FGF13: variants seen among roughly 807,000 people sequenced by gnomAD.
The protein encoded by FGF13 is fibroblast growth factor 13.
FGF13 carries 2 observed loss-of-function variants against 19.5 expected under a neutral mutation model. The observed-to-expected ratio is 0.10, with a 90% CI of 0.04 to 0.32. The LOEUF is 0.32. Ranked by LOEUF, FGF13 falls within the 10% of genes least tolerant of loss-of-function variation. The pLI, the probability that FGF13 is intolerant of heterozygous loss-of-function variation, is 1.00. For missense variants in FGF13, 113 were observed against 192.7 expected (o/e 0.59, Z 2.45); for synonymous variants, 72 against 76.9 (o/e 0.94, Z 0.33).
rs1569347610 is a variant in FGF13 at position 138,625,484 on chromosome X, A to AATATATATATATACATATATATATAAT, written c.*7365_*7366insATTATATATATATGTATATATATATAT. 1.1e-5 allele frequency: 1 copy of AATATATATATATACATATATATATAAT among 93,813 alleles called. No homozygotes were observed. Among genetic ancestry groups the AATATATATATATACATATATATATAAT allele is most frequent in the African/African-American group, 4.3e-5 (1 of 23,012 alleles). The allele number at this position is 93,813 out of a possible 1,213,427, so 7.7% of individuals were successfully genotyped here. A position where few individuals can be genotyped will look rare whatever the true frequency, so the allele number is the denominator to read the frequency against. ...TATATATATATACATATATATATATAATATATATATATACATATATATATA... is the reference window on the plus strand; with the variant it reads ...TATATATATATACATATATATATATAATATATATATATACATATATATATAATATATATATATATACATATATATATA... On this transcript the variant is annotated 3_prime_UTR_variant, in exon 5 of 5. Coordinates refer to ENST00000315930, the MANE Select transcript of FGF13 (RefSeq NM_004114.5).
chrX:138,834,911 T>A (rs933153285), intron 3 of FGF13, among the ~76,000 whole-genome samples: 16 of 112,046 alleles, frequency 1.4e-4, no homozygotes, highest in Admixed American at 1.4e-3. Context: ...AATTTTATTA[T>A]TTACCCCAAA....
At chrX:138,955,231 T>G (rs1357115645) in intron 1 of FGF13, among the ~76,000 whole-genome samples, 1 of 113,125 alleles carries the variant, frequency 8.8e-6, no homozygotes, top group Non-Finnish European at 1.9e-5. Flanking sequence ...GGAAAATTAG[T>G]CCATAGAGAC....
At chrX:138,886,028 G>A (rs2124187631) in intron 1 of FGF13, among the ~76,000 whole-genome samples, 1 of 111,336 alleles carries the variant, frequency 9.0e-6, no homozygotes, top group South Asian at 3.8e-4. Context: ...ATTTTCAAAT[G>A]TTCACCAAAT....
chrX:139,146,522 G>T (rs2083890594), intron 1 of FGF13, among the ~76,000 whole-genome samples: 1 of 111,963 alleles, frequency 8.9e-6, no homozygotes, highest in African/African-American at 3.3e-5. Flanking sequence ...ACTGTTGGTG[G>T]GACTGTAAAC....
At chrX:138,704,798 G>A (rs1386423088) in intron 2 of FGF13, among the ~76,000 whole-genome samples, 3 of 112,225 alleles carry the variant, frequency 2.7e-5, no homozygotes, top group African/African-American at 9.7e-5. Flanking sequence ...TGTTATGTGA[G>A]GTAAAGGAAT....
At position 138,914,357 on chromosome X, in the gene FGF13, G is replaced by C. The variant is rs145161232; in HGVS notation, c.-112-49707C>G. On this transcript the variant is annotated intron_variant, in intron 1 of 2. Coordinates refer to the FGF13 transcript ENST00000421460. ...TGAATCCTTCTCCTACCATTATTTT[G>C]CAGCTATCCCACACTGTATGTTACT... 5.7e-3 allele frequency among the ~76,000 whole-genome samples: 630 copies of C among 110,059 alleles called. 2 individuals carry two copies. The highest frequency in any genetic ancestry group is 9.9e-3 in the Non-Finnish European group (523 of 52,827).
At position 138,780,862 on chromosome X, in the gene FGF13, AT is replaced by A. The variant is rs1324010836; in HGVS notation, c.218-71935del. Reference sequence around the variant, plus strand: ...TCCACCCCAAATCAACAGAATATACATTTTTTTTCAGCACCACACCACACCT... The same window carrying A: ...TCCACCCCAAATCAACAGAATATACATTTTTTTCAGCACCACACCACACCT... On this transcript the variant is annotated intron_variant, in intron 3 of 6. Transcript: ENST00000436198. Among the ~76,000 whole-genome samples the A allele has an allele frequency of 1.0e-4, 11 of 109,886 alleles. No homozygotes were observed. The South Asian group carries it at 1.6e-3, about 16-fold the overall frequency.
At chrX:139,095,621 T>C (rs2083465743) in intron 1 of FGF13, among the ~76,000 whole-genome samples, 1 of 112,062 alleles carries the variant, frequency 8.9e-6, no homozygotes, top group African/African-American at 3.2e-5. Flanking sequence ...AGTTTTCTCA[T>C]CTTTAAAACT....
chrX:138,656,163 T>C (rs147162353), intron 3 of FGF13, among the ~76,000 whole-genome samples: 81 of 111,745 alleles, frequency 7.2e-4, no homozygotes, highest in African/African-American at 2.5e-3. Context: ...GTAATCATAG[T>C]GCACTATAGG....
chrX:138,861,798 T>G (rs774315987), intron 2 of FGF13, among the ~76,000 whole-genome samples: 1 of 110,742 alleles, frequency 9.0e-6, no homozygotes, highest in Non-Finnish European at 1.9e-5. Context: ...AGGTCATGAG[T>G]TCGAGACTAG....
In FGF13 at chrX:138,616,487, C is replaced by A. The variant is rs775441791; in HGVS notation, c.*16363G>T. 1 of 113,016 alleles carries A rather than the reference C, an allele frequency of 8.8e-6. No individual in the cohort carries two copies. The highest frequency in any genetic ancestry group is 1.9e-5 in the Non-Finnish European group (1 of 53,459). 9.3% of individuals were successfully genotyped at this position (113,016 alleles called of 1,213,427 possible). A position where few individuals can be genotyped will look rare whatever the true frequency, so the allele number is the denominator to read the frequency against. ...TCCCCTGTGGCTTTGCAGGATGCAG[C>A]CACCCTCACAGCTCTTTTCATGGGC... On this transcript the variant is annotated 3_prime_UTR_variant, in exon 5 of 5. Coordinates refer to ENST00000315930, the MANE Select transcript of FGF13 (RefSeq NM_004114.5).
intron 1 of FGF13, among the ~76,000 whole-genome samples, chrX:138,936,184 C>A (rs1184747144): frequency 8.9e-6 from 1 of 112,357 alleles, no homozygotes; most frequent in Non-Finnish European, 1.9e-5. Context: ...CTCCCACAGA[C>A]CAAAGAGCCT....
chrX:139,189,948 A>G (rs1384268066), intron 1 of FGF13, among the ~76,000 whole-genome samples: 1 of 112,262 alleles, frequency 8.9e-6, no homozygotes, highest in South Asian at 3.7e-4. Context: ...AGAAAACATG[A>G]TTGGGGTACA....
chrX:138,746,912 T>C (rs1023515749), intron 3 of FGF13, among the ~76,000 whole-genome samples: 11 of 111,852 alleles, frequency 9.8e-5, no homozygotes, highest in Middle Eastern at 4.6e-3. Flanking sequence ...AGTCCCTTAG[T>C]ATCTCCCTAG....
chrX:138,744,988 G>A (rs778223163), intron 3 of FGF13, among the ~76,000 whole-genome samples: 1 of 111,831 alleles, frequency 8.9e-6, no homozygotes, highest in Non-Finnish European at 1.9e-5. Context: ...GTACACAGCT[G>A]GTACTACTAT....
At chrX:139,190,805 G>C (rs1483767347) in intron 1 of FGF13, among the ~76,000 whole-genome samples, 2 of 111,640 alleles carry the variant, frequency 1.8e-5, no homozygotes, top group Non-Finnish European at 3.8e-5. Flanking sequence ...AATAATCCGA[G>C]AAGCAAGACA....
At chrX:139,006,509 A>G (rs1281623819) in intron 1 of FGF13, among the ~76,000 whole-genome samples, 1 of 111,984 alleles carries the variant, frequency 8.9e-6, no homozygotes, top group Non-Finnish European at 1.9e-5. Flanking sequence ...CTCACTACTA[A>G]TAGTAAGTAT....
intron 3 of FGF13, among the ~76,000 whole-genome samples, chrX:138,659,486 G>A (rs1299070802): frequency 8.9e-6 from 1 of 111,767 alleles, no homozygotes; most frequent in Non-Finnish European, 1.9e-5. Flanking sequence ...CAACCATTGT[G>A]GAAGACAGTG....
intron 3 of FGF13, among the ~76,000 whole-genome samples, chrX:138,844,699 T>C (rs2091170443): frequency 9.0e-6 from 1 of 111,552 alleles, no homozygotes; most frequent in Non-Finnish European, 1.9e-5. Flanking sequence ...CTTTTTCTTC[T>C]GGAGTCCTTT....
Sources: allele counts gnomAD v4.1 joint callset (sites outside exome capture counted in the v4.1 genomes callset), GRCh38; gene constraint gnomAD v4.1.1; transcripts MANE v1.5; gene names NCBI Gene and HGNC (gene_info 2026-07-23, HGNC 2026-07-21).